KIAA0753: variants seen among roughly 807,000 people sequenced by gnomAD.
KIAA0753 encodes KIAA0753, also known as protein moonraker.
KIAA0753 carries 114 observed loss-of-function variants against 116.9 expected under a neutral mutation model. The observed-to-expected ratio is 0.98, with a 90% CI of 0.84 to 1.14. The LOEUF is 1.14. KIAA0753 is among the 50% of genes most tolerant of loss of function. The probability of loss-of-function intolerance (pLI) is 0.00; values close to 1 mark genes in which losing one functional copy is unlikely to be tolerated. For synonymous variants in KIAA0753, 405 were observed against 413.1 expected (o/e 0.98, Z 0.24); for missense variants, 1,156 against 1,172.4 (o/e 0.99, Z 0.20).
At chr17:6,593,209 T>C (rs1969202319) in intron 16 of KIAA0753, among the ~76,000 whole-genome samples, 1 of 152,204 alleles carries the variant, frequency 6.6e-6, no homozygotes, top group South Asian at 2.1e-4. Context: ...TTTTGGACGC[T>C]TCACAAGGGA....
chr17:6,610,929 C>T (rs1970499926), intron 8 of KIAA0753, among the ~76,000 whole-genome samples: 2 of 152,262 alleles, frequency 1.3e-5, no homozygotes, highest in Middle Eastern at 3.4e-3. Flanking sequence ...TTCATGGTCG[C>T]CCCCTGCCAT....
In KIAA0753 at chr17:6,611,967, C is replaced by G; in HGVS notation, c.1497G>C (p.Glu499Asp). Residue 499 changes from glutamate to aspartate, a missense_variant, in exon 8 of 19, where the codon GAG becomes GAC. Coordinates refer to ENST00000361413, the MANE Select transcript of KIAA0753 (RefSeq NM_014804.3). Reference protein sequence around the residue: ...TKAGKKKPVTENVPFRKKDTL... With the variant: ...TKAGKKKPVTDNVPFRKKDTL... ...TATCTTTCTTCCTAAACGGCACATT[C>G]TCAGTCACAGGCTTCTTTTTCCCTG... 2 of 1,614,164 alleles carry G rather than the reference C, an allele frequency of 1.2e-6. No individual in the cohort carries two copies. Among genetic ancestry groups the G allele is most frequent in the Non-Finnish European group, 1.7e-6 (2 of 1,180,020 alleles).
intron 18 of KIAA0753, among the ~76,000 whole-genome samples, chr17:6,580,417 C>A (rs1968067488): frequency 6.6e-6 from 1 of 151,408 alleles, no homozygotes; most frequent in Non-Finnish European, 1.5e-5. Flanking sequence ...CGGGTTCACA[C>A]CATTCTCCTG....
chr17:6,624,442 A>G (rs1022297580), intron 4 of KIAA0753, among the ~76,000 whole-genome samples: 1 of 152,072 alleles, frequency 6.6e-6, no homozygotes, highest in Non-Finnish European at 1.5e-5. Context: ...TATATAATGT[A>G]TAAGCATCTT....
intron 8 of KIAA0753, among the ~76,000 whole-genome samples, chr17:6,610,515 TC>T (rs1970466810): frequency 2.5e-5 from 3 of 118,618 alleles, no homozygotes; most frequent in South Asian, 3.0e-4. Flanking sequence ...CTTTTCTTTC[TC>T]TTTTTTTTTT....
At chr17:6,601,626 C>T (rs1009465852) in intron 12 of KIAA0753, among the ~76,000 whole-genome samples, 2 of 152,144 alleles carry the variant, frequency 1.3e-5, no homozygotes, top group Admixed American at 1.3e-4. Flanking sequence ...GAATTTCGAC[C>T]AGTATTTCAT....
intron 12 of KIAA0753, among the ~76,000 whole-genome samples, chr17:6,603,282 T>G (rs1413074328): frequency 6.6e-6 from 1 of 151,140 alleles, no homozygotes; most frequent in East Asian, 2.0e-4. Context: ...AAAAAAAAAG[T>G]ACAAAATAAA....
intron 2 of KIAA0753, among the ~76,000 whole-genome samples, chr17:6,633,364 C>G (rs1205895507): frequency 1.3e-5 from 2 of 152,112 alleles, no homozygotes; most frequent in Non-Finnish European, 2.9e-5. Flanking sequence ...AAACACCCAC[C>G]AGAATGGCTA....
rs33914667 is a variant in KIAA0753, at chr17:6,580,899, T to TACACACACACAC, written c.2787-1047_2787-1036dup. On this transcript the variant is annotated intron_variant, in intron 18 of 18. Transcript: ENST00000361413. ...GGGACTCTGCACGGGTGCTCCTCTG[T>TACACACACACAC]ACACACACACACACACACACACACA... 8.1e-3 allele frequency among the ~76,000 whole-genome samples: 1,172 copies of TACACACACACAC among 144,000 alleles called. 15 individuals carry two copies. The highest frequency in any genetic ancestry group is 0.026 in the African/African-American group (961 of 37,142). The allele number at this position is 144,000 out of a possible 152,430, so 94.5% of individuals were successfully genotyped here. A position where few individuals can be genotyped will look rare whatever the true frequency, so the allele number is the denominator to read the frequency against.
In KIAA0753 at chr17:6,606,909, A is replaced by T. The variant is rs1438385406; in HGVS notation, c.1973T>A (p.Leu658His). The T allele has an allele frequency of 2.5e-6, 4 of 1,613,996 alleles. No individual in the cohort carries two copies. The highest frequency in any genetic ancestry group is 2.5e-6 in the Non-Finnish European group (3 of 1,179,990). The change falls in exon 12 of 19, where the codon CTC becomes CAC. Residue 658 changes from leucine to histidine, a missense_variant. Coordinates refer to ENST00000361413, the MANE Select transcript of KIAA0753 (RefSeq NM_014804.3). ...GAGTCTATACATTTCTTCAGCTTTG[A>T]GCTCATTCAGTTCCTTTGTTCTTCT... ...TSRRTKELNE[L>H]KAEEMYRLQQ...
chr17:6,590,039 T>A lies in KIAA0753; in HGVS notation c.2562-36A>T, dbSNP rs539871452. 9.7e-6 allele frequency: 14 copies of A among 1,447,668 alleles called. No individual in the cohort carries two copies. In the South Asian group the frequency reaches 1.5e-4, roughly 16 times the overall value. 89.7% of individuals were successfully genotyped at this position (1,447,668 alleles called of 1,614,324 possible). On this transcript the variant is annotated intron_variant, in intron 17 of 18. Transcript: ENST00000361413. ...ATAAAAATGATGAAAGCATTCAAGA[T>A]CATCTGTAAGCAAGACTAAACTGTT...
chr17:6,630,713 A>C (rs1370943383), intron 2 of KIAA0753, among the ~76,000 whole-genome samples: 1 of 152,222 alleles, frequency 6.6e-6, no homozygotes, highest in Non-Finnish European at 1.5e-5. Flanking sequence ...ACAATGGTCT[A>C]TCCACAAACT....
In KIAA0753 at chr17:6,623,056, G is replaced by A. The variant is rs146456681; in HGVS notation, c.930C>T (p.Ala310=). 6.8e-5 allele frequency: 110 copies of A among 1,613,938 alleles called. No individual in the cohort carries two copies. In the African/African-American group the frequency reaches 1.4e-3, roughly 20 times the overall value. Residue 310 remains alanine (A), a synonymous_variant, in exon 6 of 19, where the codon GCC becomes GCT. Coordinates refer to ENST00000361413, the MANE Select transcript of KIAA0753 (RefSeq NM_014804.3). ...TGACAAACATCTGTAAGGCCCGAAT[G>A]GCTCCTCGATGGGCAGCCGCCAGCT... ...MSKLAAAHRG[A]IRALQMFVTQ...
intron 6 of KIAA0753, among the ~76,000 whole-genome samples, chr17:6,621,316 C>G (rs1315877656): frequency 2.6e-5 from 4 of 152,264 alleles, no homozygotes; most frequent in Non-Finnish European, 5.9e-5. Flanking sequence ...ATTATCCCAT[C>G]TGCTTCAAAA....
chr17:6,613,848 C>G (rs1970709074), intron 7 of KIAA0753, among the ~76,000 whole-genome samples: 1 of 152,154 alleles, frequency 6.6e-6, no homozygotes, highest in African/African-American at 2.4e-5. Flanking sequence ...AAATATAATA[C>G]TGACATATTT....
chr17:6,608,491 T>C (rs756081768), intron 9 of KIAA0753, 27 bp from the exon 10 acceptor site: 1 of 1,326,394 alleles, frequency 7.5e-7, no homozygotes, highest in South Asian at 1.5e-5. Flanking sequence ...AGCATACCTT[T>C]GTCATCATTC....
intron 18 of KIAA0753, among the ~76,000 whole-genome samples, chr17:6,583,329 G>A (rs1257673829): frequency 7.2e-5 from 11 of 152,098 alleles, no homozygotes; most frequent in Admixed American, 7.2e-4. Flanking sequence ...TATTGAGTAT[G>A]GATTTCTTTT....
intron 7 of KIAA0753, among the ~76,000 whole-genome samples, chr17:6,615,332 C>T (rs2150854888): frequency 6.6e-6 from 1 of 152,250 alleles, no homozygotes; most frequent in South Asian, 2.1e-4. Context: ...TCGTATCAAA[C>T]TGCTTGTGTT....
chr17:6,628,327 C>T lies in KIAA0753; in HGVS notation c.508G>A (p.Gly170Ser), dbSNP rs776884864. 16 of 1,613,970 alleles carry T rather than the reference C, an allele frequency of 9.9e-6. No individual in the cohort carries two copies. Among genetic ancestry groups the T allele is most frequent in the East Asian group, 2.2e-5 (1 of 44,886 alleles). Residue 170 changes from glycine (G) to serine (S), a missense_variant, in exon 3 of 19, where the codon GGT (glycine) becomes AGT (serine). By Grantham distance (56) the Gly-to-Ser change is moderately conservative (BLOSUM62 0). Transcript: ENST00000361413. The stretch of plus-strand genomic sequence containing the variant: ...GATGAGTAAAGGTATACTTTGGCAC[C>T]AGAGCTGGAGATTTCTACTTTGGAT... ...QPSKVEISSS[G>S]AKVYLYSSHP...
Sources: allele counts gnomAD v4.1 joint callset (sites outside exome capture counted in the v4.1 genomes callset), GRCh38; gene constraint gnomAD v4.1.1; transcripts MANE v1.5; gene names NCBI Gene and HGNC (gene_info 2026-07-23, HGNC 2026-07-21).